Variants in KIAA1549L observed in about 807,000 individuals in gnomAD.
KIAA1549L encodes KIAA1549 like.
Under a neutral mutation model 160.7 loss-of-function variants are expected in KIAA1549L, and 88 were observed. The observed-to-expected ratio is 0.55, with a 90% confidence interval of 0.46 to 0.65. The LOEUF is 0.65. Among genes scored for constraint, KIAA1549L ranks in the 30% least tolerant of loss-of-function variants. The pLI is 0.00. For synonymous variants in KIAA1549L, 950 were observed against 976.7 expected, an observed-to-expected ratio of 0.97 and a Z score of 0.51; for missense variants, 2,258 against 2,437.5, an observed-to-expected ratio of 0.93 and a Z score of 1.55.
chr11:33,484,268 G>C (rs1852474329), intron 1 of KIAA1549L, among the ~76,000 whole-genome samples: 1 of 152,200 alleles, frequency 6.6e-6, no homozygotes, highest in African/African-American at 2.4e-5. Context: ...TCCACATGGA[G>C]AATGTCTTTC....
intron 1 of KIAA1549L, among the ~76,000 whole-genome samples, chr11:33,408,496 T>A (rs1033880072): frequency 1.3e-5 from 2 of 148,172 alleles, no homozygotes; most frequent in Non-Finnish European, 3.0e-5. Context: ...TGTGTATATA[T>A]ATATATATAT....
chr11:33,428,459 G>A (rs1338046279), intron 1 of KIAA1549L, among the ~76,000 whole-genome samples: 5 of 120,260 alleles, frequency 4.2e-5, no homozygotes, highest in East Asian at 2.4e-4. Context: ...CCATCCCCCC[G>A]CCCACGACAG....
At chr11:33,410,597 T>C (rs1258840588) in intron 1 of KIAA1549L, among the ~76,000 whole-genome samples, 1 of 152,216 alleles carries the variant, frequency 6.6e-6, no homozygotes, top group Non-Finnish European at 1.5e-5. Flanking sequence ...GCTTTTAACC[T>C]TGTGGCTTTT....
At chr11:33,594,263 T>C (rs1204054529) in intron 12 of KIAA1549L, among the ~76,000 whole-genome samples, 1 of 152,182 alleles carries the variant, frequency 6.6e-6, no homozygotes, top group Non-Finnish European at 1.5e-5. Flanking sequence ...TAGTTACCTA[T>C]TGCTCCATAA....
At chr11:33,479,627 G>A (rs1000637936) in intron 1 of KIAA1549L, among the ~76,000 whole-genome samples, 1 of 152,098 alleles carries the variant, frequency 6.6e-6, no homozygotes, top group Admixed American at 6.6e-5. Context: ...AATAAGAGAA[G>A]GCTTTCTGTT....
At chr11:33,521,648 G>A (rs1023868169) in intron 1 of KIAA1549L, among the ~76,000 whole-genome samples, 13 of 152,314 alleles carry the variant, frequency 8.5e-5, no homozygotes, top group African/African-American at 1.4e-4. Flanking sequence ...GCAGACACAC[G>A]TGGCATCTCC....
intron 1 of KIAA1549L, among the ~76,000 whole-genome samples, chr11:33,425,609 G>A (rs1210114609): frequency 6.6e-6 from 1 of 152,150 alleles, no homozygotes; most frequent in Non-Finnish European, 1.5e-5. Context: ...ACAGCATTTG[G>A]ACTTGGAAAA....
At chr11:33,530,785 A>G (rs1280441142) in intron 1 of KIAA1549L, among the ~76,000 whole-genome samples, 3 of 152,184 alleles carry the variant, frequency 2.0e-5, no homozygotes, top group African/African-American at 4.8e-5. Flanking sequence ...CTGAAAATTT[A>G]TAATCAAGCT....
intron 1 of KIAA1549L, among the ~76,000 whole-genome samples, chr11:33,540,808 A>G (rs2133169879): frequency 6.6e-6 from 1 of 152,274 alleles, no homozygotes; most frequent in South Asian, 2.1e-4. Flanking sequence ...TGATCAGGAG[A>G]CAGTCAGGCT....
chr11:33,393,705 A>G (rs952036684), intron 1 of KIAA1549L, among the ~76,000 whole-genome samples: 2 of 152,234 alleles, frequency 1.3e-5, no homozygotes, highest in African/African-American at 2.4e-5. Flanking sequence ...AGCAGGAAGC[A>G]GTGCTACTTA....
At chr11:33,594,485 C>T (rs1850147238) in intron 12 of KIAA1549L, among the ~76,000 whole-genome samples, 1 of 152,098 alleles carries the variant, frequency 6.6e-6, no homozygotes, top group Non-Finnish European at 1.5e-5. Flanking sequence ...TCAGGAATAC[C>T]CCAGGTAGCA....
chr11:33,615,678 C>T (rs532617577), intron 15 of KIAA1549L, among the ~76,000 whole-genome samples: 9 of 152,122 alleles, frequency 5.9e-5, no homozygotes, highest in Non-Finnish European at 1.2e-4. Flanking sequence ...ACTTCAATGT[C>T]GACACTTTTA....
At chr11:33,600,078 A>T (rs1850315389) in intron 13 of KIAA1549L, among the ~76,000 whole-genome samples, 1 of 152,220 alleles carries the variant, frequency 6.6e-6, no homozygotes, top group South Asian at 2.1e-4. Context: ...CTGTAGGGAA[A>T]ATGTGCTCCC....
chr11:33,520,579 A>G (rs573860195), intron 1 of KIAA1549L, among the ~76,000 whole-genome samples: 2 of 152,212 alleles, frequency 1.3e-5, no homozygotes, highest in Admixed American at 1.3e-4. Flanking sequence ...ATAGCTACAC[A>G]TGCTGTCATT....
At position 33,574,676 on chromosome 11, in the gene KIAA1549L, A is replaced by T. The variant is rs1236884017; in HGVS notation, c.4231-26A>T. The T allele has an allele frequency of 8.1e-6, 13 of 1,596,142 alleles. No individual in the cohort carries two copies. In the South Asian group the frequency reaches 1.3e-4, roughly 16 times the overall value. ...AGGGTCCATGCAAAATGCCCTGCAAACACTCGGCCTCTCTTTTTCCGAAAG... is the reference window on the plus strand; with the variant it reads ...AGGGTCCATGCAAAATGCCCTGCAATCACTCGGCCTCTCTTTTTCCGAAAG... On this transcript the variant is annotated intron_variant, in intron 9 of 20. Transcript: ENST00000658780.
chr11:33,591,158 C>T, intron 11 of KIAA1549L, 79 bp from the exon 12 acceptor site: 1 of 1,012,622 alleles, frequency 9.9e-7, no homozygotes, highest in Non-Finnish European at 1.5e-6. Flanking sequence ...CATCTTTTTG[C>T]TGCCTGTCAT....
intron 1 of KIAA1549L, among the ~76,000 whole-genome samples, chr11:33,425,023 G>A (rs1851088622): frequency 6.6e-6 from 1 of 152,204 alleles, no homozygotes; most frequent in Non-Finnish European, 1.5e-5. Flanking sequence ...GTCAGTGCTA[G>A]TTAAATGAAT....
chr11:33,397,762 G>A (rs1204965240), intron 1 of KIAA1549L, among the ~76,000 whole-genome samples: 2 of 148,032 alleles, frequency 1.4e-5, no homozygotes, highest in Admixed American at 6.7e-5. Flanking sequence ...ACACAAAAGT[G>A]AAAACATTTT....
intron 1 of KIAA1549L, among the ~76,000 whole-genome samples, chr11:33,420,815 A>G (rs1189824811): frequency 6.6e-6 from 1 of 152,214 alleles, no homozygotes; most frequent in Non-Finnish European, 1.5e-5. Context: ...GGTATACAGC[A>G]AGATGAAACC....
Sources: gnomAD v4.1 joint callset for allele counts (sites outside exome capture counted in the v4.1 genomes callset) on GRCh38, gnomAD v4.1.1 for gene constraint, MANE v1.5 for transcripts, NCBI Gene and HGNC (gene_info 2026-07-23, HGNC 2026-07-21) for gene names.